The following MACROD2 variants were observed in gnomAD, a reference collection of about 807,000 sequenced individuals.
MACROD2 encodes ADP-ribose glycohydrolase MACROD2.
A neutral mutation model predicts 70.4 loss-of-function variants in MACROD2; 36 were observed. The observed-to-expected ratio is 0.51, with a 90% CI of 0.39 to 0.68. The LOEUF (loss-of-function observed/expected upper bound fraction) is 0.68, where lower values mean the gene tolerates loss of function less well. Among genes scored for constraint, MACROD2 ranks in the 30% least tolerant of loss-of-function variants. The pLI is 0.00. For synonymous variants in MACROD2, 172 were observed against 178.8 expected (o/e 0.96, Z 0.30); for missense variants, 496 against 538.4 (o/e 0.92, Z 0.78).
At chr20:14,375,363 A>G (rs1043524038) in intron 3 of MACROD2, among the ~76,000 whole-genome samples, 10 of 152,186 alleles carry the variant, frequency 6.6e-5, no homozygotes. Flanking sequence ...AGACAGAATT[A>G]TGTTTAAGCA....
chr20:15,939,594 G>A (rs899928829), intron 12 of MACROD2, among the ~76,000 whole-genome samples: 3 of 151,516 alleles, frequency 2.0e-5, no homozygotes, highest in Non-Finnish European at 2.9e-5. Flanking sequence ...AGATGTACAA[G>A]GAACATAATG....
chr20:15,675,710 A>G (rs1019086936), intron 8 of MACROD2, among the ~76,000 whole-genome samples: 5 of 152,216 alleles, frequency 3.3e-5, no homozygotes, highest in African/African-American at 9.7e-5. Flanking sequence ...CAGGTTTGCT[A>G]AAGGTTTGAA....
At chr20:14,362,982 TA>T (rs1381514633) in intron 3 of MACROD2, among the ~76,000 whole-genome samples, 4 of 152,160 alleles carry the variant, frequency 2.6e-5, no homozygotes, top group African/African-American at 9.7e-5. Context: ...TCTGAAAACT[TA>T]ACAGTTGGCT....
At chr20:14,933,220 CA>C (rs1257136282) in intron 5 of MACROD2, among the ~76,000 whole-genome samples, 2 of 151,826 alleles carry the variant, frequency 1.3e-5, no homozygotes, top group African/African-American at 4.8e-5. Flanking sequence ...AGGTCTTATT[CA>C]AAATTCTTAC....
intron 8 of MACROD2, among the ~76,000 whole-genome samples, chr20:15,680,463 T>A (rs1213853558): frequency 1.3e-5 from 2 of 152,090 alleles, no homozygotes; most frequent in African/African-American, 2.4e-5. Context: ...CCGACCTATA[T>A]CATGACTTGT....
intron 4 of MACROD2, among the ~76,000 whole-genome samples, chr20:14,581,860 T>A (rs969359632): frequency 6.6e-6 from 1 of 152,138 alleles, no homozygotes; most frequent in Non-Finnish European, 1.5e-5. Context: ...GTCCAGTGCA[T>A]CCTTATACCT....
chr20:14,241,065 G>A (rs1271811339), intron 3 of MACROD2, among the ~76,000 whole-genome samples: 3 of 152,038 alleles, frequency 2.0e-5, no homozygotes, highest in Non-Finnish European at 2.9e-5. Context: ...GCAGTGAGCC[G>A]AGATTGCATC....
chr20:14,846,373 G>T (rs1344996310), intron 5 of MACROD2, among the ~76,000 whole-genome samples: 1 of 151,970 alleles, frequency 6.6e-6, no homozygotes, highest in African/African-American at 2.4e-5. Flanking sequence ...ACAGGCGCAC[G>T]CCACCATGCC....
chr20:15,301,563 G>A (rs974411387), intron 6 of MACROD2, among the ~76,000 whole-genome samples: 3 of 148,194 alleles, frequency 2.0e-5, no homozygotes, highest in Non-Finnish European at 3.0e-5. Flanking sequence ...CTTATCAATG[G>A]GTGGAAGTTA....
At chr20:14,300,472 T>A (rs950971838) in intron 3 of MACROD2, among the ~76,000 whole-genome samples, 10 of 152,212 alleles carry the variant, frequency 6.6e-5, no homozygotes, top group African/African-American at 2.4e-4. Context: ...TTGTTGTTGT[T>A]GTTGTTGTCG....
chr20:14,641,033 G>T (rs1985060793), intron 4 of MACROD2, among the ~76,000 whole-genome samples: 1 of 152,222 alleles, frequency 6.6e-6, no homozygotes, highest in South Asian at 2.1e-4. Context: ...TTTACTCACA[G>T]TAGAACTTCT....
At chr20:15,679,343 G>A (rs548574379) in intron 8 of MACROD2, among the ~76,000 whole-genome samples, 1 of 152,232 alleles carries the variant, frequency 6.6e-6, no homozygotes, top group African/African-American at 2.4e-5. Context: ...AGGGTGAGGG[G>A]TGGTCAGGGA....
chr20:14,044,240 G>T (rs1325522653), intron 2 of MACROD2, among the ~76,000 whole-genome samples: 1 of 151,354 alleles, frequency 6.6e-6, no homozygotes. Context: ...AAGGCGGTGC[G>T]TGTGGAGTTG....
intron 5 of MACROD2, among the ~76,000 whole-genome samples, chr20:15,160,766 C>T (rs2076342955): frequency 6.6e-6 from 1 of 151,998 alleles, no homozygotes; most frequent in Non-Finnish European, 1.5e-5. Flanking sequence ...GAAATTGGGT[C>T]CATTTTTTTC....
chr20:14,939,903 A>G (rs2074374942), intron 5 of MACROD2, among the ~76,000 whole-genome samples: 1 of 151,866 alleles, frequency 6.6e-6, no homozygotes, highest in Non-Finnish European at 1.5e-5. Flanking sequence ...TTTTCAGATT[A>G]TTCACTGCTG....
chr20:14,225,256 G>A (rs966420133), intron 3 of MACROD2, among the ~76,000 whole-genome samples: 1 of 152,162 alleles, frequency 6.6e-6, no homozygotes, highest in African/African-American at 2.4e-5. Context: ...TTACAGAAAA[G>A]AAGTACATAT....
At chr20:14,153,745 C>T (rs1398391006) in intron 3 of MACROD2, among the ~76,000 whole-genome samples, 2 of 152,102 alleles carry the variant, frequency 1.3e-5, no homozygotes, top group African/African-American at 2.4e-5. Flanking sequence ...GAAAAAAAGT[C>T]CTTGATTAAA....
At chr20:16,011,277 T>C (rs1299520275) in intron 15 of MACROD2, among the ~76,000 whole-genome samples, 5 of 152,248 alleles carry the variant, frequency 3.3e-5, no homozygotes, top group Non-Finnish European at 5.9e-5. Flanking sequence ...TGGCACCAGC[T>C]GCACATGGTC....
At chr20:15,402,755 C>CT (rs1356853530) in intron 6 of MACROD2, among the ~76,000 whole-genome samples, 1 of 152,138 alleles carries the variant, frequency 6.6e-6, no homozygotes. Context: ...GCTGTACATC[C>CT]TTTTTTGCTT....
Sources: allele counts gnomAD v4.1 joint callset (sites outside exome capture counted in the v4.1 genomes callset), GRCh38; gene constraint gnomAD v4.1.1; transcripts MANE v1.5; gene names NCBI Gene and HGNC (gene_info 2026-07-23, HGNC 2026-07-21).